Variants in PKP4 observed in about 807,000 individuals in gnomAD.
The protein encoded by PKP4 is plakophilin-4.
PKP4 carries 90 observed loss-of-function variants against 145.1 expected under a neutral mutation model. The ratio of observed to expected loss-of-function variants is 0.62; its 90% confidence interval spans 0.52 to 0.74. The LOEUF is 0.74. Among genes scored for constraint, PKP4 ranks in the 30% least tolerant of loss-of-function variants. PKP4 has a pLI of 0.00. For missense variants in PKP4, 1,340 were observed against 1,482.7 expected, an observed-to-expected ratio of 0.90 and a Z score of 1.58; for synonymous variants, 563 against 577.2, an observed-to-expected ratio of 0.98 and a Z score of 0.35.
At chr2:158,575,802 C>G (rs3755410) in intron 2 of PKP4, among the ~76,000 whole-genome samples, 1 of 141,868 alleles carries the variant, frequency 7.0e-6, no homozygotes, top group South Asian at 2.2e-4. Flanking sequence ...ACAAAAAAAA[C>G]AAAATGATGC....
intron 15 of PKP4, 59 bp downstream of exon 15, chr2:158,663,504 T>A (rs1488387769): frequency 1.4e-6 from 2 of 1,405,202 alleles, no homozygotes; most frequent in Non-Finnish European, 2.0e-6. Context: ...ACTTGAAATG[T>A]TATATATATA....
intron 21 of PKP4, 54 bp from the exon 22 acceptor site, chr2:158,680,375 C>T: frequency 7.4e-7 from 1 of 1,345,900 alleles, no homozygotes; most frequent in Non-Finnish European, 1.0e-6. Context: ...TTTCCTAACA[C>T]ATGTATTTTT....
At chr2:158,519,468 C>T (rs951119185) in intron 1 of PKP4, among the ~76,000 whole-genome samples, 3 of 152,098 alleles carry the variant, frequency 2.0e-5, no homozygotes, top group Non-Finnish European at 2.9e-5. Context: ...GCAGGGTAGG[C>T]GCTGACCACC....
intron 1 of PKP4, among the ~76,000 whole-genome samples, chr2:158,475,075 T>TTAA (rs1269743044): frequency 3.3e-5 from 5 of 152,200 alleles, no homozygotes; most frequent in South Asian, 2.1e-4. Context: ...CTCTGATGGG[T>TTAA]TAAAGAAAAT....
chr2:158,528,669 G>GAAAA (rs59566011), intron 1 of PKP4, among the ~76,000 whole-genome samples: 21 of 85,942 alleles, frequency 2.4e-4, no homozygotes, highest in Non-Finnish European at 3.9e-4. Context: ...CTTACTAAAT[G>GAAAA]AAAAAAAAAA....
At chr2:158,531,509 A>C (rs1364709935) in intron 1 of PKP4, among the ~76,000 whole-genome samples, 1 of 152,154 alleles carries the variant, frequency 6.6e-6, no homozygotes, top group Non-Finnish European at 1.5e-5. Context: ...TTTCCTTTAT[A>C]GACCTTAGAT....
At chr2:158,486,574 G>T (rs1169276887) in intron 1 of PKP4, among the ~76,000 whole-genome samples, 1 of 152,196 alleles carries the variant, frequency 6.6e-6, no homozygotes, top group East Asian at 1.9e-4. Flanking sequence ...TGGTGGTGAG[G>T]CAAGGGGTGT....
In PKP4 at chr2:158,658,237, T is replaced by A. The variant is rs1373094069; in HGVS notation, c.2016T>A (p.Asn672Lys). ...TGATTGTTCCACATTCTGGATGGAA[T>A]AACTCTTCTTTTGATGATGATCATA... is the stretch of plus-strand genomic sequence containing the variant. The part of the protein sequence containing the change: ...NTVIVPHSGW[N>K]NSSFDDDHKI... The change falls in exon 12 of 22, where the codon AAT (asparagine) becomes AAA (lysine). Residue 672 changes from asparagine to lysine, a missense_variant. Physicochemically the swap from Asn to Lys is moderately conservative, Grantham distance 94 (BLOSUM62 0). Coordinates refer to ENST00000389759, the MANE Select transcript of PKP4 (RefSeq NM_003628.6). 2.5e-6 allele frequency: 4 copies of A among 1,601,846 alleles called. No individual in the cohort carries two copies. Among genetic ancestry groups the A allele is most frequent in the Non-Finnish European group, 3.4e-6 (4 of 1,169,392 alleles).
At chr2:158,528,909 A>G (rs946985357) in intron 1 of PKP4, among the ~76,000 whole-genome samples, 2 of 152,198 alleles carry the variant, frequency 1.3e-5, no homozygotes, top group Non-Finnish European at 2.9e-5. Context: ...ACAGTGTTAT[A>G]CAGTAGACAA....
chr2:158,512,672 CTTAAA>C (rs1559248025), intron 1 of PKP4, among the ~76,000 whole-genome samples: 2 of 152,186 alleles, frequency 1.3e-5, no homozygotes. Context: ...TTAACCCTTT[CTTAAA>C]TTTTTGAATT....
chr2:158,636,953 A>G (rs1422471017), intron 9 of PKP4, among the ~76,000 whole-genome samples: 1 of 152,140 alleles, frequency 6.6e-6, no homozygotes, highest in Non-Finnish European at 1.5e-5. Context: ...TTCCTCTGAT[A>G]AGTTCAACAT....
chr2:158,639,224 T>C (rs1351463543), intron 9 of PKP4, among the ~76,000 whole-genome samples: 2 of 152,222 alleles, frequency 1.3e-5, no homozygotes, highest in Non-Finnish European at 2.9e-5. Context: ...ACTTTTTAGT[T>C]TGGCAGAGAA....
intron 11 of PKP4, among the ~76,000 whole-genome samples, chr2:158,646,736 G>A (rs2105942995): frequency 6.6e-6 from 1 of 152,132 alleles, no homozygotes; most frequent in East Asian, 1.9e-4. Context: ...CAGGGTTGGG[G>A]GAGACCTCAG....
At chr2:158,474,133 G>A (rs1370921612) in intron 1 of PKP4, among the ~76,000 whole-genome samples, 1 of 152,176 alleles carries the variant, frequency 6.6e-6, no homozygotes, top group East Asian at 1.9e-4. Context: ...TCATTAACAA[G>A]TTTTAACAGA....
chr2:158,525,879 T>C (rs1329392462), intron 1 of PKP4, among the ~76,000 whole-genome samples: 2 of 149,346 alleles, frequency 1.3e-5, no homozygotes, highest in African/African-American at 2.5e-5. Context: ...AACTAGAAAA[T>C]CTAGAAGAAA....
chr2:158,574,946 T>G (rs1433347323), intron 2 of PKP4, among the ~76,000 whole-genome samples: 1 of 152,222 alleles, frequency 6.6e-6, no homozygotes, highest in Non-Finnish European at 1.5e-5. Flanking sequence ...AACTGTAAAT[T>G]GTTTCTGTGG....
intron 2 of PKP4, among the ~76,000 whole-genome samples, chr2:158,545,169 C>A (rs934910681): frequency 2.1e-5 from 3 of 139,822 alleles, no homozygotes; most frequent in Non-Finnish European, 4.5e-5. Flanking sequence ...GGAAGCCTTT[C>A]ATCACTTCCC....
At chr2:158,485,298 C>G (rs971583951) in intron 1 of PKP4, among the ~76,000 whole-genome samples, 1 of 152,150 alleles carries the variant, frequency 6.6e-6, no homozygotes, top group African/African-American at 2.4e-5. Context: ...CTCTACAAGC[C>G]AATTATTATT....
chr2:158,584,978 AAAAC>A (rs201884051), intron 3 of PKP4, among the ~76,000 whole-genome samples: 3,848 of 152,278 alleles, frequency 0.025, 152 homozygotes, highest in African/African-American at 0.088. Context: ...TCTCCTGACT[AAAAC>A]AAAGCCCTAA....
Sources: allele counts gnomAD v4.1 joint callset (sites outside exome capture counted in the v4.1 genomes callset), GRCh38; gene constraint gnomAD v4.1.1; transcripts MANE v1.5; gene names NCBI Gene and HGNC (gene_info 2026-07-23, HGNC 2026-07-21).